Variants in CALD1 observed in about 807,000 individuals in gnomAD.
CALD1 encodes the protein caldesmon 1.
Under a neutral mutation model 99.9 loss-of-function variants are expected in CALD1, and 33 were observed. That is an observed-to-expected ratio of 0.33 (90% CI 0.25 to 0.44). CALD1 has a LOEUF of 0.44. CALD1 is among the 20% of genes least tolerant of loss of function. The pLI is 1.00. For synonymous variants in CALD1, 310 were observed against 325.0 expected (o/e 0.95, Z 0.50); for missense variants, 861 against 962.1 (o/e 0.89, Z 1.39).
At chr7:134,894,912 T>C (rs1369913630) in intron 3 of CALD1, among the ~76,000 whole-genome samples, 2 of 152,138 alleles carry the variant, frequency 1.3e-5, no homozygotes, top group Non-Finnish European at 2.9e-5. Context: ...TTATTTTTCT[T>C]ATAGAGAAGT....
intron 3 of CALD1, among the ~76,000 whole-genome samples, chr7:134,895,841 C>T (rs962109709): frequency 6.6e-6 from 1 of 152,168 alleles, no homozygotes; most frequent in African/African-American, 2.4e-5. Flanking sequence ...AGTTTAACTT[C>T]CTGGTTCTCT....
chr7:134,777,381 C>T (rs1015830773), upstream of CALD1, among the ~76,000 whole-genome samples: 3 of 152,126 alleles, frequency 2.0e-5, no homozygotes, highest in African/African-American at 7.2e-5. Context: ...TCTATGGAAA[C>T]ATACTATTTT....
chr7:134,851,124 A>G (rs765894759), intron 2 of CALD1, among the ~76,000 whole-genome samples: 4 of 151,986 alleles, frequency 2.6e-5, no homozygotes, highest in Non-Finnish European at 4.4e-5. Context: ...ATTTTTTTCA[A>G]ATTTTGAGTC....
At chr7:134,928,175 TA>T in intron 3 of CALD1, 1 of 218,476 alleles carries the variant, frequency 4.6e-6, no homozygotes, top group Non-Finnish European at 1.0e-5. Context: ...CTCACGCCTG[TA>T]ATCCCAGCAC....
At position 134,959,164 on chromosome 7, in the gene CALD1, TG is replaced by T. The variant is rs575692885; in HGVS notation, c.2062-809del. Among the ~76,000 whole-genome samples the T allele has an allele frequency of 2.1e-3, 323 of 151,814 alleles. 1 individual carries two copies. In the Middle Eastern group the frequency reaches 0.034, roughly 16 times the overall value. ...GCAGCTGACTGTCTTGTTTTTTGTT[TG>T]TTTTTTTGTTTTTTATTTTTATTTT... On this transcript the variant is annotated intron_variant, in intron 11 of 14. Coordinates refer to ENST00000361675, the MANE Select transcript of CALD1 (RefSeq NM_033138.4).
In CALD1 at chr7:134,767,650, T is replaced by C. The variant is rs531524952; in HGVS notation, c.-130+23287T>C. Among the ~76,000 whole-genome samples, 35 of 152,304 alleles carry C rather than the reference T, an allele frequency of 2.3e-4. 2 individuals carry two copies. The South Asian group carries it at 7.3e-3, about 32-fold the overall frequency. ...TGGTTGGATTTCAGACAGGCTTCCTTGAGCATGAACGGGAAGAGGAAACGT... is the reference window on the plus strand; with the variant it reads ...TGGTTGGATTTCAGACAGGCTTCCTCGAGCATGAACGGGAAGAGGAAACGT... On this transcript the variant is annotated intron_variant, in intron 1 of 13. Transcript: ENST00000417172.
At chr7:134,744,450 C>CGTGTGTGTGTGTGTGTGT (rs56284062) in intron 1 of CALD1, 2 of 140,966 alleles carry the variant, frequency 1.4e-5, no homozygotes, top group South Asian at 2.4e-4. Flanking sequence ...ATCAGGAAGT[C>CGTGTGTGTGTGTGTGTGT]GTGTGTGTGT....
At chr7:134,958,351 A>G in intron 11 of CALD1, 61 bp downstream of exon 11, 5 of 1,315,994 alleles carry the variant, frequency 3.8e-6, no homozygotes, top group East Asian at 2.3e-5. Context: ...ACTACATAGA[A>G]GAGCATAAAA....
At chr7:134,798,359 T>C (rs887672157) in intron 1 of CALD1, among the ~76,000 whole-genome samples, 2 of 152,228 alleles carry the variant, frequency 1.3e-5, no homozygotes, top group Admixed American at 1.3e-4. Context: ...TGGTGCCAGA[T>C]GTTGGAACCC....
chr7:134,730,801 T>C, the CALD1 span, among the ~76,000 whole-genome samples: 6 of 152,296 alleles, frequency 3.9e-5, no homozygotes, highest in African/African-American at 9.6e-5. Context: ...AGATTTTATA[T>C]GTCAGACAGG....
rs554898291 is a variant in CALD1, at chr7:134,907,752, C to G, written c.72-21002C>G. Among the ~76,000 whole-genome samples, 16 of 151,588 alleles carry G rather than the reference C, an allele frequency of 1.1e-4. No homozygotes were observed. The South Asian group carries it at 3.1e-3, about 30-fold the overall frequency. On this transcript the variant is annotated intron_variant, in intron 3 of 14. Transcript: ENST00000361675. ...ACAGTGAGGATTTCATTTTTCCAGTCCCCCCCCGCCTTTTCATTTTTGATG... is the reference window on the plus strand; with the variant it reads ...ACAGTGAGGATTTCATTTTTCCAGTGCCCCCCCGCCTTTTCATTTTTGATG...
chr7:134,908,627 T>C (rs1200148240), intron 3 of CALD1, among the ~76,000 whole-genome samples: 1 of 152,186 alleles, frequency 6.6e-6, no homozygotes, highest in Non-Finnish European at 1.5e-5. Context: ...TCTGGTTTAA[T>C]TGATTTGGGG....
intron 1 of CALD1, among the ~76,000 whole-genome samples, chr7:134,789,046 A>AAAT (rs1797419120): frequency 6.6e-6 from 1 of 151,046 alleles, no homozygotes. Context: ...AAAAAAAAAA[A>AAAT]AAAAAGTCTA....
chr7:134,866,337 AAGAT>A (rs759510244), intron 2 of CALD1, among the ~76,000 whole-genome samples: 8 of 152,234 alleles, frequency 5.3e-5, no homozygotes, highest in Non-Finnish European at 1.2e-4. Flanking sequence ...TGGTAAGAGT[AAGAT>A]AGATAAACAT....
At chr7:134,759,963 G>T (rs1796762439) in intron 1 of CALD1, among the ~76,000 whole-genome samples, 1 of 152,222 alleles carries the variant, frequency 6.6e-6, no homozygotes, top group East Asian at 1.9e-4. Flanking sequence ...GGTCAATGAG[G>T]TCTCCTTGAT....
intron 1 of CALD1, among the ~76,000 whole-genome samples, chr7:134,781,830 GAGA>G: frequency 6.6e-6 from 1 of 152,308 alleles, no homozygotes; most frequent in Non-Finnish European, 1.5e-5. Flanking sequence ...TTAAAGTTAG[GAGA>G]AGGAGAACCA....
intron 3 of CALD1, among the ~76,000 whole-genome samples, chr7:134,919,496 T>A (rs968164254): frequency 4.6e-5 from 7 of 152,158 alleles, no homozygotes; most frequent in African/African-American, 1.7e-4. Flanking sequence ...AAAGCAAATG[T>A]TGGGCTGGTG....
At chr7:134,809,790 C>T (rs965508957) in intron 1 of CALD1, among the ~76,000 whole-genome samples, 26 of 152,280 alleles carry the variant, frequency 1.7e-4, no homozygotes, top group Admixed American at 3.9e-4. Flanking sequence ...AATGCCTTGA[C>T]GGCTTACTCA....
chr7:134,889,788 G>T (rs1802055716), intron 3 of CALD1, among the ~76,000 whole-genome samples: 1 of 152,136 alleles, frequency 6.6e-6, no homozygotes, highest in South Asian at 2.1e-4. Context: ...TATGTTCGGT[G>T]ATCATATGTG....
Sources: gnomAD v4.1 joint callset for allele counts (sites outside exome capture counted in the v4.1 genomes callset) on GRCh38, gnomAD v4.1.1 for gene constraint, MANE v1.5 for transcripts, NCBI Gene and HGNC (gene_info 2026-07-23, HGNC 2026-07-21) for gene names.